WDR49: variants seen among roughly 807,000 people sequenced by gnomAD.
WDR49 encodes the protein cilia- and flagella-associated protein 337.
Under a neutral mutation model 119.5 loss-of-function variants are expected in WDR49, and 107 were observed. That is an observed-to-expected ratio of 0.90 (90% CI 0.77 to 1.05). The LOEUF is 1.05. Among genes scored for constraint, WDR49 ranks in the 50% least tolerant of loss-of-function variants. WDR49 has a pLI of 0.00. For synonymous variants in WDR49, 425 were observed against 418.8 expected (o/e 1.01, Z -0.18); for missense variants, 1,240 against 1,220.5 (o/e 1.02, Z -0.24).
At chr3:167,482,555 T>C (rs1418914684) in intron 18 of WDR49, among the ~76,000 whole-genome samples, 1 of 150,588 alleles carries the variant, frequency 6.6e-6, no homozygotes, top group Admixed American at 6.6e-5. Context: ...GGTGGGCGCC[T>C]GTGGTCCCAG....
chr3:167,650,847 A>G (rs1291978988), intron 2 of WDR49, among the ~76,000 whole-genome samples: 2 of 152,124 alleles, frequency 1.3e-5, no homozygotes, highest in African/African-American at 4.8e-5. Context: ...ACCTCCTCTA[A>G]TCTTCATGAA....
intron 18 of WDR49, among the ~76,000 whole-genome samples, chr3:167,482,083 C>T (rs1024853540): frequency 2.6e-5 from 4 of 152,088 alleles, no homozygotes; most frequent in African/African-American, 9.7e-5. Context: ...CAAGTGATAT[C>T]CCAGTAATGT....
intron 10 of WDR49, among the ~76,000 whole-genome samples, chr3:167,538,922 A>G (rs961764792): frequency 6.6e-6 from 1 of 152,196 alleles, no homozygotes; most frequent in Admixed American, 6.6e-5. Context: ...AGTATATGAT[A>G]AAATTCAAAT....
chr3:167,657,911 T>A (rs1718643135), upstream of WDR49, among the ~76,000 whole-genome samples: 1 of 152,244 alleles, frequency 6.6e-6, no homozygotes, highest in African/African-American at 2.4e-5. Context: ...TCTCAAAGCC[T>A]GGGGAAAGCT....
chr3:167,487,418 G>A (rs1750968097), intron 18 of WDR49, among the ~76,000 whole-genome samples: 1 of 151,888 alleles, frequency 6.6e-6, no homozygotes, highest in African/African-American at 2.4e-5. Flanking sequence ...CCCCAAACTG[G>A]AAAAATTCTG....
chr3:167,519,776 T>C (rs957143082), intron 16 of WDR49, among the ~76,000 whole-genome samples: 1 of 152,134 alleles, frequency 6.6e-6, no homozygotes, highest in East Asian at 1.9e-4. Flanking sequence ...ATCCTACACA[T>C]GTACCCCAGA....
At chr3:167,554,538 GGT>G in intron 10 of WDR49, 110 bp downstream of exon 10, 1 of 574,274 alleles carries the variant, frequency 1.7e-6, no homozygotes, top group Non-Finnish European at 3.0e-6. Context: ...TTCCAACTAG[GGT>G]ATCACTCACC....
At chr3:167,595,248 G>A (rs989390632) in intron 7 of WDR49, among the ~76,000 whole-genome samples, 67 of 152,112 alleles carry the variant, frequency 4.4e-4, no homozygotes, top group African/African-American at 1.6e-3. Flanking sequence ...AATATTCCAC[G>A]CTCATGGGTA....
intron 8 of WDR49, among the ~76,000 whole-genome samples, chr3:167,572,135 T>A (rs1052166623): frequency 6.6e-6 from 1 of 152,214 alleles, no homozygotes; most frequent in African/African-American, 2.4e-5. Flanking sequence ...CTCCAGGATA[T>A]TGGATTGCTT....
chr3:167,587,327 C>A (rs1040604844), intron 7 of WDR49, among the ~76,000 whole-genome samples: 2 of 152,106 alleles, frequency 1.3e-5, no homozygotes, highest in African/African-American at 4.8e-5. Flanking sequence ...CTAACTAGGG[C>A]ATCATAAAAG....
chr3:167,557,974 G>T (rs1454285367), intron 9 of WDR49, among the ~76,000 whole-genome samples: 2 of 152,086 alleles, frequency 1.3e-5, no homozygotes, highest in Non-Finnish European at 1.5e-5. Flanking sequence ...CAAATGGCCA[G>T]GCACAGTGGC....
chr3:167,605,800 T>C (rs1032655396), intron 5 of WDR49, among the ~76,000 whole-genome samples: 4 of 152,140 alleles, frequency 2.6e-5, no homozygotes, highest in Non-Finnish European at 5.9e-5. Context: ...GGTAAAGAAA[T>C]AGGGATTCAT....
chr3:167,574,823 G>A (rs1714146339), intron 8 of WDR49, among the ~76,000 whole-genome samples: 2 of 152,162 alleles, frequency 1.3e-5, no homozygotes, highest in South Asian at 4.1e-4. Flanking sequence ...ACATCTCTCA[G>A]TGGCCACCAG....
At position 167,564,745 on chromosome 3, in the gene WDR49, T is replaced by C. The variant is rs1713488738; in HGVS notation, c.1510-4517A>G. The stretch of plus-strand genomic sequence containing the variant: ...TTCAGTTAATAACTGTTTAGGAATA[T>C]GTGTCTCCTTTTTGTTTCTCTCATC... On this transcript the variant is annotated intron_variant, in intron 8 of 18. Transcript: ENST00000682715. Among the ~76,000 whole-genome samples, 7 of 152,318 alleles carry C rather than the reference T, an allele frequency of 4.6e-5. No homozygotes were observed. The South Asian group carries it at 1.5e-3, about 32-fold the overall frequency.
At chr3:167,644,556 C>T (rs182041241) in intron 2 of WDR49, among the ~76,000 whole-genome samples, 124 of 152,146 alleles carry the variant, frequency 8.2e-4, no homozygotes, top group Middle Eastern at 3.4e-3. Flanking sequence ...GAGTATACCA[C>T]AATTTACTTA....
intron 5 of WDR49, among the ~76,000 whole-genome samples, chr3:167,606,747 C>T (rs1226648110): frequency 6.6e-6 from 1 of 152,072 alleles, no homozygotes; most frequent in African/African-American, 2.4e-5. Flanking sequence ...CTCCACTCTG[C>T]CTAGAATTTA....
At chr3:167,576,258 T>A in intron 7 of WDR49, 107 bp from the exon 8 acceptor site, 1 of 849,502 alleles carries the variant, frequency 1.2e-6, no homozygotes, top group East Asian at 2.7e-5. Flanking sequence ...AGTTGTTTCC[T>A]CCACAGTGCT....
At chr3:167,503,258 A>C (rs1751645128) in intron 17 of WDR49, among the ~76,000 whole-genome samples, 1 of 152,238 alleles carries the variant, frequency 6.6e-6, no homozygotes, top group African/African-American at 2.4e-5. Flanking sequence ...GATGCAAGAG[A>C]AATCCTGGGT....
At chr3:167,592,593 C>A (rs562826471) in intron 7 of WDR49, among the ~76,000 whole-genome samples, 6 of 152,030 alleles carry the variant, frequency 3.9e-5, no homozygotes, top group African/African-American at 1.4e-4. Flanking sequence ...CACCACCACG[C>A]CCAGCTAATT....
Sources: allele counts gnomAD v4.1 joint callset (sites outside exome capture counted in the v4.1 genomes callset), GRCh38; gene constraint gnomAD v4.1.1; transcripts MANE v1.5; gene names NCBI Gene and HGNC (gene_info 2026-07-23, HGNC 2026-07-21).